RBM47: variants seen among roughly 807,000 people sequenced by gnomAD.
RBM47 encodes the protein RNA-binding protein 47.
In RBM47, 21 loss-of-function variants were observed where a neutral mutation model predicts 47.1. The ratio of observed to expected loss-of-function variants is 0.45; its 90% CI spans 0.32 to 0.64. RBM47 has a LOEUF of 0.64. Among genes scored for constraint, RBM47 ranks in the 30% least tolerant of loss-of-function variants. The pLI, the probability that RBM47 is intolerant of heterozygous loss-of-function variation, is 0.05. For missense variants in RBM47, 708 were observed against 870.9 expected, an observed-to-expected ratio of 0.81 and a Z score of 2.35; for synonymous variants, 375 against 361.7, an observed-to-expected ratio of 1.04 and a Z score of -0.42.
At chr4:40,589,454 GCT>G (rs2154274743) in intron 1 of RBM47, among the ~76,000 whole-genome samples, 1 of 151,580 alleles carries the variant, frequency 6.6e-6, no homozygotes, top group South Asian at 2.1e-4. Flanking sequence ...ATGGAGTCTC[GCT>G]CTGTCTCCCA....
At chr4:40,595,401 A>G in intron 1 of RBM47, among the ~76,000 whole-genome samples, 1 of 150,562 alleles carries the variant, frequency 6.6e-6, no homozygotes, top group East Asian at 2.0e-4. Context: ...GGCTGAGGCA[A>G]GACAACTGCT....
At chr4:40,607,201 C>T (rs943376120) in intron 1 of RBM47, among the ~76,000 whole-genome samples, 2 of 152,064 alleles carry the variant, frequency 1.3e-5, no homozygotes, top group Admixed American at 1.3e-4. Context: ...TTGATAGATG[C>T]CACAACATGG....
At chr4:40,553,279 G>A (rs1729746531) in intron 1 of RBM47, among the ~76,000 whole-genome samples, 1 of 148,662 alleles carries the variant, frequency 6.7e-6, no homozygotes, top group Non-Finnish European at 1.5e-5. Context: ...ATCTGAAATT[G>A]CATTATGTAT....
At chr4:40,538,028 G>A (rs915535988) in intron 2 of RBM47, among the ~76,000 whole-genome samples, 25 of 151,890 alleles carry the variant, frequency 1.6e-4, no homozygotes, top group African/African-American at 6.0e-4. Flanking sequence ...GTCTTGGAAA[G>A]TTCTTCAGTC....
intron 2 of RBM47, among the ~76,000 whole-genome samples, chr4:40,505,297 G>T (rs1723941898): frequency 6.6e-6 from 1 of 151,926 alleles, no homozygotes; most frequent in Non-Finnish European, 1.5e-5. Flanking sequence ...TTCAAGACCA[G>T]CCTGGCCAAC....
chr4:40,570,892 T>C (rs925887874), intron 1 of RBM47, among the ~76,000 whole-genome samples: 3 of 152,018 alleles, frequency 2.0e-5, no homozygotes, highest in Non-Finnish European at 4.4e-5. Flanking sequence ...AACAGTGGAA[T>C]GATACAACAC....
intron 1 of RBM47, among the ~76,000 whole-genome samples, chr4:40,586,380 C>T (rs1182058139): frequency 1.3e-5 from 2 of 151,890 alleles, no homozygotes; most frequent in Non-Finnish European, 2.9e-5. Flanking sequence ...CTTTGACCAC[C>T]AGGAGACAGA....
chr4:40,560,553 G>C (rs1185947799), intron 1 of RBM47, among the ~76,000 whole-genome samples: 1 of 152,234 alleles, frequency 6.6e-6, no homozygotes, highest in Admixed American at 6.5e-5. Context: ...GCCAGTCCAG[G>C]GGAAGCCAGG....
intron 1 of RBM47, among the ~76,000 whole-genome samples, chr4:40,618,808 C>CAAAA (rs35543412): frequency 3.6e-4 from 10 of 27,590 alleles, no homozygotes; most frequent in Admixed American, 5.3e-4. Flanking sequence ...GACTCCATCT[C>CAAAA]AAAAAAAAAA....
In RBM47 at chr4:40,432,881, G is replaced by A; in HGVS notation, c.1331-19C>T. The stretch of plus-strand genomic sequence containing the variant: ...ATGGCTACTGCAAGAGAAGCAAGAA[G>A]GAAAAACAGGTCAATCACTTTCAGT... On this transcript the variant is annotated intron_variant, in intron 5 of 6. Coordinates refer to ENST00000295971, the MANE Select transcript of RBM47 (RefSeq NM_001098634.2). The A allele has an allele frequency of 6.2e-7, 1 of 1,611,470 alleles. No homozygotes were observed. The highest frequency in any genetic ancestry group is 8.5e-7 in the Non-Finnish European group (1 of 1,179,314).
At chr4:40,562,200 G>A (rs189740148) in intron 1 of RBM47, among the ~76,000 whole-genome samples, 18 of 152,186 alleles carry the variant, frequency 1.2e-4, no homozygotes, top group African/African-American at 4.3e-4. Flanking sequence ...TAGCAGGAGG[G>A]GTGGGTAATC....
chr4:40,531,056 G>A (rs60799464), intron 2 of RBM47, among the ~76,000 whole-genome samples: 30,024 of 152,098 alleles, frequency 0.2, 3,499 homozygotes, highest in African/African-American at 0.31. Flanking sequence ...CCATGATCGC[G>A]GCAGTGCGCT....
At chr4:40,572,432 T>A (rs57448764) in intron 1 of RBM47, among the ~76,000 whole-genome samples, 12,477 of 151,884 alleles carry the variant, frequency 0.082, 1,357 homozygotes, top group African/African-American at 0.24. Context: ...AGATATATTG[T>A]TAAGTGAAGA....
intron 1 of RBM47, among the ~76,000 whole-genome samples, chr4:40,572,028 GA>G (rs58162475): frequency 9.3e-5 from 11 of 118,064 alleles, no homozygotes; most frequent in Non-Finnish European, 5.7e-5. Context: ...ATCTCAAAAA[GA>G]AAAAAAAAAA....
chr4:40,590,512 T>C (rs1734034523), intron 1 of RBM47, among the ~76,000 whole-genome samples: 1 of 152,194 alleles, frequency 6.6e-6, no homozygotes, highest in Non-Finnish European at 1.5e-5. Context: ...CCTCTCATCT[T>C]GGACCCCAGT....
intron 3 of RBM47, among the ~76,000 whole-genome samples, chr4:40,440,769 T>C (rs1713497868): frequency 6.6e-6 from 1 of 152,192 alleles, no homozygotes; most frequent in East Asian, 1.9e-4. Context: ...AAAATCAGAA[T>C]GATAATAATA....
At chr4:40,566,816 G>A (rs1731149948) in intron 1 of RBM47, among the ~76,000 whole-genome samples, 2 of 151,912 alleles carry the variant, frequency 1.3e-5, no homozygotes, top group South Asian at 2.1e-4. Flanking sequence ...AAATTAACAC[G>A]GGTAAAGCGC....
chr4:40,426,190 C>A (rs1366172764), intron 6 of RBM47, 47 bp from the exon 7 acceptor site: 2 of 1,576,140 alleles, frequency 1.3e-6, no homozygotes, highest in Non-Finnish European at 1.7e-6. Flanking sequence ...CGTGTATGTA[C>A]CTATCATCCA....
rs561073697 is a variant in RBM47 at position 40,569,472 on chromosome 4, C to T, written c.-239-24966G>A. 4.7e-5 allele frequency among the ~76,000 whole-genome samples: 7 copies of T among 148,860 alleles called. No homozygotes were observed. In the South Asian group the frequency reaches 6.3e-4, roughly 13 times the overall value. On this transcript the variant is annotated intron_variant, in intron 1 of 6. Transcript: ENST00000295971. The stretch of plus-strand genomic sequence containing the variant: ...TCGCCCAGGCTGGAGTGCAGTGGTG[C>T]GATCTCAGTTCACTGCAATCTCCGC...
Sources: gnomAD v4.1 joint callset for allele counts (sites outside exome capture counted in the v4.1 genomes callset) on GRCh38, gnomAD v4.1.1 for gene constraint, MANE v1.5 for transcripts, NCBI Gene and HGNC (gene_info 2026-07-23, HGNC 2026-07-21) for gene names.